Variants in MGRN1 observed in about 807,000 individuals in gnomAD.
The protein encoded by MGRN1 is mahogunin ring finger 1.
MGRN1 carries 29 observed loss-of-function variants against 69.2 expected under a neutral mutation model. That is an observed-to-expected ratio of 0.42 (90% confidence interval 0.31 to 0.57). The LOEUF is 0.57. MGRN1 is among the 20% of genes least tolerant of loss of function. The pLI is 0.15. For missense variants in MGRN1, 998 were observed against 796.2 expected (o/e 1.25, Z -3.05); for synonymous variants, 470 against 344.2 (o/e 1.37, Z -4.04).
At chr16:4,648,046 G>A (rs1038726068) in intron 1 of MGRN1, among the ~76,000 whole-genome samples, 3 of 152,156 alleles carry the variant, frequency 2.0e-5, no homozygotes, top group Admixed American at 1.3e-4. Flanking sequence ...CAGAATTCCC[G>A]CTGAAGGCCC....
At chr16:4,656,937 A>G (rs909713354) in intron 4 of MGRN1, among the ~76,000 whole-genome samples, 1 of 152,006 alleles carries the variant, frequency 6.6e-6, no homozygotes, top group African/African-American at 2.4e-5. Flanking sequence ...AAACAAACCA[A>G]CTTAGCACCG....
chr16:4,681,551 A>C lies in MGRN1; in HGVS notation c.1133A>C (p.Asn378Thr). ...CCCTCACGCACCCTGTCCCTACAGA[A>C]CTCTGACAGCGTCCCACCTGGCTAC... ...LASKKPKRETNSDSVPPGYEP... is the reference protein window; with the variant it reads ...LASKKPKRETTSDSVPPGYEP... The change falls in exon 13 of 17, where the codon AAC (asparagine) becomes ACC (threonine). Residue 378 changes from asparagine to threonine, a missense_variant and splice_region_variant. Physicochemically the swap from Asn to Thr is moderately conservative, Grantham distance 65 (BLOSUM62 0). Coordinates refer to ENST00000262370, the MANE Select transcript of MGRN1 (RefSeq NM_015246.4). 7 of 1,611,982 alleles carry C rather than the reference A, an allele frequency of 4.3e-6. No homozygotes were observed. The highest frequency in any genetic ancestry group is 5.9e-6 in the Non-Finnish European group (7 of 1,179,176).
intron 7 of MGRN1, 68 bp downstream of exon 7, chr16:4,665,219 G>C (rs753496758): frequency 6.4e-7 from 1 of 1,556,226 alleles, no homozygotes; most frequent in Admixed American, 1.7e-5. Context: ...CTTTTGAGAC[G>C]AGAAGCCTGA....
intron 1 of MGRN1, chr16:4,640,222 T>G (rs1482900279): frequency 6.6e-6 from 1 of 152,330 alleles, no homozygotes; most frequent in Non-Finnish European, 1.5e-5. Context: ...CTGTGGCCTG[T>G]ATGGAAGGGA....
intron 7 of MGRN1, among the ~76,000 whole-genome samples, chr16:4,666,374 C>G (rs559977456): frequency 1.4e-4 from 21 of 152,306 alleles, no homozygotes; most frequent in African/African-American, 4.6e-4. Context: ...TCAAGTGATC[C>G]TCCCACCTTG....
At chr16:4,688,385 C>CTG in intron 16 of MGRN1, 3 of 1,006,658 alleles carry the variant, frequency 3.0e-6, no homozygotes, top group Non-Finnish European at 3.6e-6. Flanking sequence ...AGGGCCGCTC[C>CTG]CCACCCCTGC....
intron 1 of MGRN1, chr16:4,649,738 G>A (rs1333509839): frequency 6.5e-6 from 1 of 153,124 alleles, no homozygotes; most frequent in Non-Finnish European, 1.5e-5. Flanking sequence ...ACACAGCTCA[G>A]GCCACTACAG....
rs34438924 is a variant in MGRN1, at chr16:4,643,403, ATT to A, written c.89-6942_89-6941del. On this transcript the variant is annotated intron_variant, in intron 1 of 16. Coordinates refer to ENST00000262370, the MANE Select transcript of MGRN1 (RefSeq NM_015246.4). ...GAGCTACTGTACCCGGCCTTGCTTGATTTTTTTTTTTTTTTTTTTTTCTGAGA... is the reference window on the plus strand; with the variant it reads ...GAGCTACTGTACCCGGCCTTGCTTGATTTTTTTTTTTTTTTTTTTCTGAGA... 5.8e-4 allele frequency among the ~76,000 whole-genome samples: 64 copies of A among 109,798 alleles called. 1 individual carries two copies. Among genetic ancestry groups the A allele is most frequent in the East Asian group, 1.9e-3 (7 of 3,778 alleles). The allele number at this position is 109,798 out of a possible 152,430, so 72.0% of individuals were successfully genotyped here. A position where few individuals can be genotyped will look rare whatever the true frequency, so the allele number is the denominator to read the frequency against.
chr16:4,668,337 G>A lies in MGRN1; in HGVS notation c.726+25G>A, dbSNP rs765317402. 3.7e-5 allele frequency: 60 copies of A among 1,612,044 alleles called. No homozygotes were observed. In the Middle Eastern group the frequency reaches 4.9e-4, roughly 13 times the overall value. ...TGTAAGTCATCAGAGGAAATATGAC[G>A]TGCTTGAATTAAAAGACACACATAT... On this transcript the variant is annotated intron_variant, in intron 8 of 16. Coordinates refer to ENST00000262370, the MANE Select transcript of MGRN1 (RefSeq NM_015246.4).
chr16:4,664,645 C>T, intron 5 of MGRN1, 64 bp from the exon 6 acceptor site: 1 of 1,557,566 alleles, frequency 6.4e-7, no homozygotes, highest in Non-Finnish European at 8.9e-7. Flanking sequence ...CATTTGTTGA[C>T]CGACTCCAGG....
At chr16:4,681,164 G>T (rs922781097) in intron 12 of MGRN1, among the ~76,000 whole-genome samples, 1 of 152,208 alleles carries the variant, frequency 6.6e-6, no homozygotes. Flanking sequence ...GCCCCTGACC[G>T]TGTCTCTCGC....
At chr16:4,665,213 T>G (rs1184709405) in intron 7 of MGRN1, 62 bp downstream of exon 7, 2 of 1,584,060 alleles carry the variant, frequency 1.3e-6, no homozygotes, top group Non-Finnish European at 1.7e-6. Flanking sequence ...GGTGGCCTTT[T>G]GAGACGAGAA....
chr16:4,676,500 C>G (rs2079056077), intron 10 of MGRN1, among the ~76,000 whole-genome samples: 2 of 152,320 alleles, frequency 1.3e-5, no homozygotes, highest in South Asian at 4.1e-4. Flanking sequence ...GTTCAGAGCT[C>G]CCGTGTGGCT....
intron 7 of MGRN1, among the ~76,000 whole-genome samples, chr16:4,666,869 C>G (rs544240766): frequency 6.6e-6 from 1 of 152,346 alleles, no homozygotes; most frequent in South Asian, 2.1e-4. Context: ...AGTTTGATGT[C>G]TGGCACAGAG....
At chr16:4,641,891 C>A (rs1408753876) in intron 1 of MGRN1, among the ~76,000 whole-genome samples, 1 of 152,128 alleles carries the variant, frequency 6.6e-6, no homozygotes, top group Non-Finnish European at 1.5e-5. Flanking sequence ...TGGCTTCAAG[C>A]CATCTTGCCC....
intron 1 of MGRN1, among the ~76,000 whole-genome samples, chr16:4,641,003 C>T (rs1434904250): frequency 6.6e-6 from 1 of 152,236 alleles, no homozygotes; most frequent in Admixed American, 6.5e-5. Context: ...CTGACCTCAG[C>T]AGGTGTGGAG....
In MGRN1 at chr16:4,651,958, C is replaced by G. The variant is rs770194569; in HGVS notation, c.208-5C>G. On this transcript the variant is annotated splice_region_variant and splice_polypyrimidine_tract_variant and intron_variant, in intron 2 of 16. Transcript: ENST00000262370. ...TCACCTGGGGCCCTGTGGTTTTTCT[C>G]CTAGTTTCCCTACGTCACTCCTGCC... 1 of 1,613,924 alleles carries G rather than the reference C, an allele frequency of 6.2e-7. No individual in the cohort carries two copies. Among genetic ancestry groups the G allele is most frequent in the South Asian group, 1.1e-5 (1 of 91,082 alleles).
Position 4,642,566 on chromosome 16 carries a change from C to T in MGRN1, c.89-7799C>T, listed in dbSNP as rs140415578. 1.4e-3 allele frequency among the ~76,000 whole-genome samples: 216 copies of T among 151,674 alleles called. 1 individual carries two copies. Among genetic ancestry groups the T allele is most frequent in the African/African-American group, 5.1e-3 (210 of 41,276 alleles). On this transcript the variant is annotated intron_variant, in intron 1 of 16. Transcript: ENST00000262370. ...GTCTTAAACTCCTGACCTTGTGATC[C>T]GCCCGCCTCGGCCTCCCAAAGTGCT...
At chr16:4,683,983 C>T (rs1330436551) in intron 16 of MGRN1, 51 bp downstream of exon 16, 4 of 1,488,332 alleles carry the variant, frequency 2.7e-6, no homozygotes, top group Non-Finnish European at 2.7e-6. Context: ...GTCTTAGTCC[C>T]CAGGGAGGGG....
Sources: allele counts gnomAD v4.1 joint callset (sites outside exome capture counted in the v4.1 genomes callset), GRCh38; gene constraint gnomAD v4.1.1; transcripts MANE v1.5; gene names NCBI Gene and HGNC (gene_info 2026-07-23, HGNC 2026-07-21).